The following IGFN1 variants were observed in gnomAD, a reference collection of about 807,000 sequenced individuals.
IGFN1 encodes the protein immunoglobulin like and fibronectin type III domain containing 1.
In IGFN1, 253 loss-of-function variants were observed where a neutral mutation model predicts 289.5. That is an observed-to-expected ratio of 0.87 (90% confidence interval 0.79 to 0.97). The LOEUF is 0.97. Ranked by LOEUF, IGFN1 falls within the 50% of genes least tolerant of loss-of-function variation. The pLI, the probability that IGFN1 is intolerant of heterozygous loss-of-function variation, is 0.00. For missense variants in IGFN1, 4,470 were observed against 4,686.1 expected (o/e 0.95, Z 1.35); for synonymous variants, 1,706 against 1,788.5 (o/e 0.95, Z 1.16).
In IGFN1 at chr1:201,209,025, A is replaced by C; in HGVS notation, c.4132A>C (p.Asn1378His). 6.5e-7 allele frequency: 1 copy of C among 1,536,144 alleles called. No homozygotes were observed. Among genetic ancestry groups the C allele is most frequent in the Non-Finnish European group, 8.7e-7 (1 of 1,146,656 alleles). Residue 1378 changes from asparagine to histidine, a missense_variant, in exon 12 of 24, where the codon AAT (asparagine) becomes CAT (histidine). Coordinates refer to ENST00000335211, the MANE Select transcript of IGFN1 (RefSeq NM_001164586.2). The part of the protein sequence containing the change: ...REIGSMDETD[N>H]RKDLGVPEGM... ...AATCGGGTCAATGGATGAAACAGAT[A>C]ATAGGAAAGATTTGGGGGTTCCTGA...
Position 201,228,382 on chromosome 1 carries a change from G to A in IGFN1, c.11114-4G>A, listed in dbSNP as rs780415746. 6.2e-7 allele frequency: 1 copy of A among 1,614,016 alleles called. No individual in the cohort carries two copies. The highest frequency in any genetic ancestry group is 8.5e-7 in the Non-Finnish European group (1 of 1,179,952). ...AACCAACTGGAATATCCTGTGTCTT[G>A]CAGAACCCAGCACCTAGCCTCACCT... On this transcript the variant is annotated splice_region_variant and splice_polypyrimidine_tract_variant and intron_variant, in intron 23 of 23. Transcript: ENST00000335211.
chr1:201,197,057 G>C (rs1043807586), intron 4 of IGFN1, among the ~76,000 whole-genome samples, 161 bp from the exon 5 acceptor site: 1 of 152,188 alleles, frequency 6.6e-6, no homozygotes, highest in Admixed American at 6.5e-5. Context: ...TCCCAAACCA[G>C]GTTTCTGTTT....
chr1:201,223,624 C>T (rs549261746), intron 20 of IGFN1, among the ~76,000 whole-genome samples: 7 of 152,108 alleles, frequency 4.6e-5, no homozygotes, highest in South Asian at 4.1e-4. Flanking sequence ...CTGCCCACCT[C>T]GGCCTCCCAA....
At chr1:201,223,347 A>ATT (rs1278921103) in intron 20 of IGFN1, among the ~76,000 whole-genome samples, 1 of 110,006 alleles carries the variant, frequency 9.1e-6, no homozygotes, top group African/African-American at 3.8e-5. Context: ...CTTTGGACAA[A>ATT]TATTATTTAT....
At chr1:201,219,354 T>A (rs968798274) in intron 18 of IGFN1, among the ~76,000 whole-genome samples, 25 of 152,376 alleles carry the variant, frequency 1.6e-4, no homozygotes, top group Admixed American at 8.5e-4. Context: ...GCATTTTCTA[T>A]CTGAGACCTG....
rs1377251373 is a variant in IGFN1 at position 201,200,436 on chromosome 1, C to T, written c.633+25C>T. On this transcript the variant is annotated intron_variant, in intron 8 of 23. Coordinates refer to ENST00000335211, the MANE Select transcript of IGFN1 (RefSeq NM_001164586.2). Reference sequence around the variant, plus strand: ...GGTGCCTCACCCCATTCCCACCCCTCACTCCATGCCCACCCCACACACCTG... The same window carrying T: ...GGTGCCTCACCCCATTCCCACCCCTTACTCCATGCCCACCCCACACACCTG... The T allele has an allele frequency of 4.6e-6, 7 of 1,534,896 alleles. No homozygotes were observed. In the African/African-American group the frequency reaches 5.5e-5, roughly 12 times the overall value.
In IGFN1 at chr1:201,201,849, TA is replaced by T; in HGVS notation, c.747+18del. The T allele has an allele frequency of 1.9e-6, 2 of 1,063,274 alleles. No individual in the cohort carries two copies. The highest frequency in any genetic ancestry group is 2.8e-6 in the Non-Finnish European group (2 of 702,378). The allele number at this position is 1,063,274 out of a possible 1,614,324, so 65.9% of individuals were successfully genotyped here. On this transcript the variant is annotated intron_variant, in intron 9 of 23. Coordinates refer to ENST00000335211, the MANE Select transcript of IGFN1 (RefSeq NM_001164586.2). ...CTGTATAAGGTGAGGCTGGAGGGGC[TA>T]TGGGTGGGGGGGATCTGGCAGGGAT...
chr1:201,199,198 CG>C (rs1667044007), intron 5 of IGFN1, 135 bp from the exon 6 acceptor site: 6 of 742,108 alleles, frequency 8.1e-6, no homozygotes, highest in Non-Finnish European at 1.4e-5. Flanking sequence ...TTGCTGGGAT[CG>C]TCCACGCCTT....
rs1437366391 is a variant in IGFN1, at chr1:201,199,338, C to CT, written c.375dup (p.Arg126SerfsTer40). The stretch of plus-strand genomic sequence containing the variant: ...TCTCCTCCCTGGATGTTGCAGTTGG[C>CT]TTTCGGAAGAATCGGAAGAGGCACA... On this transcript the variant is annotated frameshift_variant, in exon 6 of 24. Transcript: ENST00000335211. LOFTEE classifies it high-confidence loss of function. 1 of 1,552,112 alleles carries CT rather than the reference C, an allele frequency of 6.4e-7. No homozygotes were observed. The highest frequency in any genetic ancestry group is 2.0e-5 in the Admixed American group (1 of 51,004).
intron 9 of IGFN1, among the ~76,000 whole-genome samples, chr1:201,202,935 T>C (rs979569020): frequency 1.3e-5 from 2 of 152,106 alleles, no homozygotes; most frequent in Admixed American, 6.5e-5. Context: ...TTTTGTATTT[T>C]CAGTACAGAC....
chr1:201,214,420 T>C (rs529363181), intron 13 of IGFN1, 119 bp downstream of exon 13: 2 of 1,088,244 alleles, frequency 1.8e-6, no homozygotes, highest in Admixed American at 2.7e-5. Context: ...TGCTAATGTA[T>C]CCACCTCAGG....
In IGFN1 at chr1:201,212,614, C is replaced by T. The variant is rs1667875892; in HGVS notation, c.7721C>T (p.Ser2574Phe). ...GTTGCTGGCCAGGGGGGGTTGGCAT[C>T]TCAGGGAGGTGGGGACTCACTTTTG... is the stretch of plus-strand genomic sequence containing the variant. The part of the protein sequence containing the change: ...GRVAGQGGLA[S>F]QGGGDSLLGG... The change falls in exon 12 of 24, where the codon TCT becomes TTT. Residue 2574 changes from serine to phenylalanine, a missense_variant. Around this residue, in one of 8 missense-constraint regions of IGFN1, gnomAD observed 2,218 missense variants for 2,114.1 expected, o/e 1.05. Coordinates refer to ENST00000335211, the MANE Select transcript of IGFN1 (RefSeq NM_001164586.2). 1 of 1,544,374 alleles carries T rather than the reference C, an allele frequency of 6.5e-7. No homozygotes were observed. Among genetic ancestry groups the T allele is most frequent in the African/African-American group, 1.4e-5 (1 of 72,764 alleles).
At chr1:201,194,346 G>T (rs558151875) in intron 3 of IGFN1, 73 bp downstream of exon 3, 3 of 1,505,162 alleles carry the variant, frequency 2.0e-6, no homozygotes, top group East Asian at 2.5e-5. Flanking sequence ...GAGGGCTGGG[G>T]CACCAACCTT....
In IGFN1 at chr1:201,207,501, G is replaced by T. The variant is rs1558142223; in HGVS notation, c.2608G>T (p.Gly870Cys). The T allele has an allele frequency of 2.0e-6, 3 of 1,534,990 alleles. No homozygotes were observed. The highest frequency in any genetic ancestry group is 1.7e-6 in the Non-Finnish European group (2 of 1,145,798). ...CAGTGGAGGACAAGAGGGTATGGGT[G>T]GTATCTGGGTGGCTGGACTGACGGA... ...GPSGGQEGMG[G>C]IWVAGLTESG... The change falls in exon 12 of 24, where the codon GGT (glycine) becomes TGT (cysteine). Residue 870 changes from glycine to cysteine, a missense_variant. Physicochemically the swap from Gly to Cys is radical, Grantham distance 159. Transcript: ENST00000335211.
At position 201,213,341 on chromosome 1, in the gene IGFN1, G is replaced by C; in HGVS notation, c.8448G>C (p.Arg2816Ser). Reference protein sequence around the residue: ...GRSGRRPGSLRSRSQAQSGAE... With the variant: ...GRSGRRPGSLSSRSQAQSGAE... ...CAGGCAGGAGGCCTGGCTCACTCAG[G>C]AGCAGGTCTCAGGCACAGTCAGGGG... Residue 2816 changes from arginine (R) to serine (S), a missense_variant, in exon 12 of 24, where the codon AGG becomes AGC. By Grantham distance (110) the Arg-to-Ser change is moderately radical. This residue lies in a region of IGFN1 where 2,218 missense variants were observed against 2,114.1 expected (regional missense o/e 1.05). Transcript: ENST00000335211. 1 of 1,603,146 alleles carries C rather than the reference G, an allele frequency of 6.2e-7. No homozygotes were observed. Among genetic ancestry groups the C allele is most frequent in the Non-Finnish European group, 8.5e-7 (1 of 1,174,868 alleles).
At position 201,212,598 on chromosome 1, in the gene IGFN1, CA is replaced by C. The variant is rs1417470588; in HGVS notation, c.7706del (p.Gln2569ArgfsTer19). On this transcript the variant is annotated frameshift_variant, in exon 12 of 24. Coordinates refer to ENST00000335211, the MANE Select transcript of IGFN1 (RefSeq NM_001164586.2). LOFTEE classifies it high-confidence loss of function. Reference sequence around the variant, plus strand: ...GACAGACAGGGGTAGAGTTGCTGGCCAGGGGGGGTTGGCATCTCAGGGAGGT... The same window carrying C: ...GACAGACAGGGGTAGAGTTGCTGGCCGGGGGGGTTGGCATCTCAGGGAGGT... ...GMTDRGRVAGQGGLASQGGGD... is the reference protein window; with the variant it reads ...GMTDRGRVAGXGGLASQGGGD... The C allele has an allele frequency of 2.1e-5, 33 of 1,546,788 alleles. No homozygotes were observed. Among genetic ancestry groups the C allele is most frequent in the Admixed American group, 9.9e-5 (5 of 50,600 alleles).
Position 201,219,141 on chromosome 1 carries a change from C to A in IGFN1, c.9898+483C>A, listed in dbSNP as rs182953014. 1.4e-4 allele frequency among the ~76,000 whole-genome samples: 22 copies of A among 152,202 alleles called. No individual in the cohort carries two copies. The East Asian group carries it at 3.1e-3, about 21-fold the overall frequency. ...CTAGGCAGGCCAGCCCCCAAGCTGG[C>A]CCACCTGCCCCAGTCTCATAAGCAT... is the stretch of plus-strand genomic sequence containing the variant. On this transcript the variant is annotated intron_variant, in intron 18 of 23. Coordinates refer to ENST00000335211, the MANE Select transcript of IGFN1 (RefSeq NM_001164586.2).
At chr1:201,205,947 C>G (rs10920142) in intron 11 of IGFN1, 136 bp from the exon 12 acceptor site, 190,958 of 668,908 alleles carry the variant, frequency 0.29, 28,067 homozygotes, top group South Asian at 0.36. Flanking sequence ...CCTTGCTTCT[C>G]TCCTGGGGAA....
intron 3 of IGFN1, among the ~76,000 whole-genome samples, 156 bp from the exon 4 acceptor site, chr1:201,195,683 A>G (rs910244445): frequency 4.6e-5 from 7 of 152,186 alleles, no homozygotes; most frequent in Admixed American, 3.9e-4. Context: ...GCGTATTCTG[A>G]GTCCTGAGTC....
Sources: gnomAD v4.1 joint callset for allele counts (sites outside exome capture counted in the v4.1 genomes callset) on GRCh38, gnomAD v4.1.1 for gene constraint, gnomAD v4.1.1 regional missense constraint, MANE v1.5 for transcripts, NCBI Gene and HGNC (gene_info 2026-07-23, HGNC 2026-07-21) for gene names.